The following BRMS1L variants were observed in gnomAD, a reference collection of about 807,000 sequenced individuals.
BRMS1L encodes the protein BRMS1 like transcriptional repressor.
Under a neutral mutation model 50.3 loss-of-function variants are expected in BRMS1L, and 23 were observed. That is an observed-to-expected ratio of 0.46 (90% CI 0.33 to 0.65). The LOEUF (loss-of-function observed/expected upper bound fraction) is 0.65. Ranked by LOEUF, BRMS1L falls within the 30% of genes least tolerant of loss-of-function variation. The pLI is 0.02. For missense variants in BRMS1L, 286 were observed against 386.1 expected, an observed-to-expected ratio of 0.74 and a Z score of 2.17; for synonymous variants, 114 against 126.9, an observed-to-expected ratio of 0.90 and a Z score of 0.69.
At chr14:35,850,702 A>G (rs2078200165) in intron 4 of BRMS1L, among the ~76,000 whole-genome samples, 1 of 152,178 alleles carries the variant, frequency 6.6e-6, no homozygotes, top group Non-Finnish European at 1.5e-5. Flanking sequence ...TTCAGCTTTT[A>G]CATTCAGCTC....
At chr14:35,851,820 G>A (rs2078215319) in intron 4 of BRMS1L, among the ~76,000 whole-genome samples, 1 of 152,138 alleles carries the variant, frequency 6.6e-6, no homozygotes, top group South Asian at 2.1e-4. Flanking sequence ...TGAAGAAAAC[G>A]AAAGCAGTAG....
At chr14:35,866,356 G>C (rs1364138445) in intron 8 of BRMS1L, among the ~76,000 whole-genome samples, 1 of 152,156 alleles carries the variant, frequency 6.6e-6, no homozygotes, top group East Asian at 1.9e-4. Context: ...AAATACTTAG[G>C]AAAGGAATTT....
chr14:35,836,578 G>A (rs1377341659), intron 4 of BRMS1L, among the ~76,000 whole-genome samples: 1 of 152,222 alleles, frequency 6.6e-6, no homozygotes, highest in African/African-American at 2.4e-5. Flanking sequence ...CTGGGCTCAA[G>A]CAGTCCTCCT....
intron 9 of BRMS1L, among the ~76,000 whole-genome samples, chr14:35,868,918 AC>A (rs1186722116): frequency 2.0e-5 from 3 of 152,184 alleles, no homozygotes; most frequent in African/African-American, 4.8e-5. Context: ...TCTGGTTGTG[AC>A]CTTTTGAAAA....
At position 35,831,357 on chromosome 14, in the gene BRMS1L, C is replaced by T. The variant is rs1023482249; in HGVS notation, c.143-53C>T. On this transcript the variant is annotated intron_variant, in intron 1 of 9. Transcript: ENST00000216807. ...TACGTTCAGATATATTTGAGATGTT[C>T]AGATAAATTTGAAAATTAAGTTTAT... The T allele has an allele frequency of 3.2e-6, 4 of 1,262,908 alleles. 1 individual carries two copies. In the Admixed American group the frequency reaches 7.0e-5, roughly 22 times the overall value. The allele number at this position is 1,262,908 out of a possible 1,614,324, so 78.2% of individuals were successfully genotyped here. A position where few individuals can be genotyped will look rare whatever the true frequency, so the allele number is the denominator to read the frequency against.
intron 1 of BRMS1L, chr14:35,829,870 A>G (rs377334696): frequency 1.2e-4 from 141 of 1,220,182 alleles, no homozygotes; most frequent in Non-Finnish European, 1.3e-4. Flanking sequence ...AATATATGTG[A>G]TATGAACATA....
chr14:35,843,430 G>A (rs1382411916), intron 4 of BRMS1L, among the ~76,000 whole-genome samples: 3 of 152,158 alleles, frequency 2.0e-5, no homozygotes. Context: ...CTTGTTAACA[G>A]TCAGGCCCCT....
rs548749568 is a variant in BRMS1L at position 35,853,014 on chromosome 14, C to CTATA, written c.442-9571_442-9568dup. On this transcript the variant is annotated intron_variant, in intron 4 of 9. Transcript: ENST00000216807. ...TGTATCTATCTATCTATCTATCTAT[C>CTATA]TATATATAGAGAGAGAGACTTATCA... Among the ~76,000 whole-genome samples the CTATA allele has an allele frequency of 4.7e-3, 701 of 150,524 alleles. 9 individuals are homozygous for CTATA. Among genetic ancestry groups the CTATA allele is most frequent in the African/African-American group, 0.017 (676 of 40,200 alleles).
chr14:35,854,444 G>A (rs1171334604), intron 4 of BRMS1L, among the ~76,000 whole-genome samples: 2 of 152,124 alleles, frequency 1.3e-5, no homozygotes, highest in African/African-American at 2.4e-5. Flanking sequence ...CTCACTGGCC[G>A]CATTTGAGCT....
intron 9 of BRMS1L, among the ~76,000 whole-genome samples, chr14:35,869,921 G>A (rs1228930357): frequency 6.6e-6 from 1 of 152,030 alleles, no homozygotes; most frequent in Non-Finnish European, 1.5e-5. Flanking sequence ...ATCTTTTTAT[G>A]TAAAGATTAG....
Position 35,833,050 on chromosome 14 carries a change from C to T in BRMS1L, c.306C>T (p.Tyr102=), listed in dbSNP as rs150367786. Residue 102 remains tyrosine, a synonymous_variant, in exon 3 of 10, where the codon TAC becomes TAT. Transcript: ENST00000216807. ...TCATAGCTGGAAAAGCACCAGAATA[C>T]TTGGAACCGCTGGCAACTTTACAGG... ...QEVIAGKAPE[Y]LEPLATLQEN... The T allele has an allele frequency of 5.5e-5, 89 of 1,613,292 alleles. No individual in the cohort carries two copies. Among genetic ancestry groups the T allele is most frequent in the Non-Finnish European group, 7.1e-5 (84 of 1,179,620 alleles).
intron 8 of BRMS1L, among the ~76,000 whole-genome samples, chr14:35,867,080 C>A (rs2078431332): frequency 6.6e-6 from 1 of 152,062 alleles, no homozygotes; most frequent in Admixed American, 6.6e-5. Context: ...AGTGTTCAGA[C>A]AACATTTGTT....
At chr14:35,861,094 G>A (rs2078345177) in intron 4 of BRMS1L, among the ~76,000 whole-genome samples, 1 of 152,138 alleles carries the variant, frequency 6.6e-6, no homozygotes, top group Admixed American at 6.5e-5. Context: ...AAAAGGGAGA[G>A]AACTTTCCAA....
intron 3 of BRMS1L, among the ~76,000 whole-genome samples, chr14:35,834,194 T>A (rs949697597): frequency 3.3e-5 from 5 of 152,188 alleles, no homozygotes; most frequent in Admixed American, 2.6e-4. Flanking sequence ...AAGCTTAGAA[T>A]ACATATCCAG....
rs2078416404 is a variant in BRMS1L at position 35,865,996 on chromosome 14, C to A, written c.727+235C>A. Reference sequence around the variant, plus strand: ...TACATTCTTATTGCTAATAATGGATCAGTAACTCAAAAAAGTATTTATGCA... The same window carrying A: ...TACATTCTTATTGCTAATAATGGATAAGTAACTCAAAAAAGTATTTATGCA... On this transcript the variant is annotated intron_variant, in intron 8 of 9. Coordinates refer to ENST00000216807, the MANE Select transcript of BRMS1L (RefSeq NM_032352.4). 1.6e-5 allele frequency: 7 copies of A among 445,316 alleles called. No individual in the cohort carries two copies. In the South Asian group the frequency reaches 3.3e-4, roughly 21 times the overall value. The allele number at this position is 445,316 out of a possible 1,614,324, so 27.6% of individuals were successfully genotyped here.
At chr14:35,826,822 G>GC in intron 1 of BRMS1L, 164 bp downstream of exon 1, 1 of 1,001,378 alleles carries the variant, frequency 1.0e-6, no homozygotes. Flanking sequence ...CGGTCGCTGG[G>GC]CGCTGTCTGG....
In BRMS1L at chr14:35,826,554, A is replaced by G. The variant is rs781580459; in HGVS notation, c.38A>G (p.Asn13Ser). 1.2e-6 allele frequency: 2 copies of G among 1,603,966 alleles called. No individual in the cohort carries two copies. Among genetic ancestry groups the G allele is most frequent in the East Asian group, 2.2e-5 (1 of 44,500 alleles). ...VHSRGDKKET[N>S]HHDEMEVDYA... ...TCCCGAGGGGATAAGAAGGAGACCA[A>G]CCATCACGATGAGATGGAGGTGGAC... Residue 13 changes from asparagine (N) to serine (S), a missense_variant, in exon 1 of 10, where the codon AAC becomes AGC. Around this residue, in one of 5 missense-constraint regions of BRMS1L, gnomAD observed 66 missense variants for 67.8 expected, o/e 0.97. Transcript: ENST00000216807.
At chr14:35,840,770 G>A (rs1164517490) in intron 4 of BRMS1L, among the ~76,000 whole-genome samples, 1 of 151,640 alleles carries the variant, frequency 6.6e-6, no homozygotes, top group African/African-American at 2.4e-5. Context: ...TTCTTTATTA[G>A]TCTGGCTAGT....
chr14:35,854,265 T>C (rs2078251400), intron 4 of BRMS1L, among the ~76,000 whole-genome samples: 2 of 152,192 alleles, frequency 1.3e-5, no homozygotes, highest in Non-Finnish European at 2.9e-5. Flanking sequence ...ACTCAGTTTT[T>C]ATTCATCTGA....
Sources: gnomAD v4.1 joint callset for allele counts (sites outside exome capture counted in the v4.1 genomes callset) on GRCh38, gnomAD v4.1.1 for gene constraint, gnomAD v4.1.1 regional missense constraint, MANE v1.5 for transcripts, NCBI Gene and HGNC (gene_info 2026-07-23, HGNC 2026-07-21) for gene names.